Variants in CATSPERB observed in about 807,000 individuals in gnomAD.
CATSPERB encodes cation channel sperm-associated auxiliary subunit beta.
In CATSPERB, 93 loss-of-function variants were observed where a neutral mutation model predicts 128.3. That is an observed-to-expected ratio of 0.72 (90% CI 0.61 to 0.86). The LOEUF is 0.86. Ranked by LOEUF, CATSPERB falls within the 40% of genes least tolerant of loss-of-function variation. The pLI is 0.00. For missense variants in CATSPERB, 1,153 were observed against 1,329.5 expected (o/e 0.87, Z 2.06); for synonymous variants, 381 against 448.8 (o/e 0.85, Z 1.91).
rs148704603 is a variant in CATSPERB at position 91,658,273 on chromosome 14, T to G, written c.1432+1564A>C. On this transcript the variant is annotated intron_variant, in intron 15 of 26. Coordinates refer to ENST00000256343, the MANE Select transcript of CATSPERB (RefSeq NM_024764.4). ...GGAGGACATGATGTTAAGTGAAATA[T>G]GCCAGGGACAGAAGGACAGAGTTTG... 8.4e-3 allele frequency among the ~76,000 whole-genome samples: 1,272 copies of G among 152,218 alleles called. 14 individuals carry two copies. The highest frequency in any genetic ancestry group is 0.044 in the Middle Eastern group (13 of 294).
In CATSPERB at chr14:91,591,932, T is replaced by A; in HGVS notation, c.2780A>T (p.Lys927Met). Residue 927 changes from lysine to methionine, a missense_variant, in exon 23 of 27, where the codon AAG (lysine) becomes ATG (methionine). By Grantham distance (95) the Lys-to-Met change is moderately conservative. Transcript: ENST00000256343. ...REECNCTKDQKFSHAVAFSDC... is the reference protein window; with the variant it reads ...REECNCTKDQMFSHAVAFSDC... ...CGAGAAAGCAACAGCATGTGAAAAC[T>A]TCTGATCCTTTGTGCAGTTACACTC... 1 of 1,614,110 alleles carries A rather than the reference T, an allele frequency of 6.2e-7. No individual in the cohort carries two copies. Among genetic ancestry groups the A allele is most frequent in the South Asian group, 1.1e-5 (1 of 91,074 alleles).
chr14:91,725,925 A>G (rs1008171242), intron 2 of CATSPERB, among the ~76,000 whole-genome samples: 10 of 152,162 alleles, frequency 6.6e-5, no homozygotes, highest in African/African-American at 2.4e-4. Flanking sequence ...AGAGCAGACT[A>G]GTAGGTAAGC....
chr14:91,667,290 C>T lies in CATSPERB; in HGVS notation c.1287+2524G>A, dbSNP rs139836804. On this transcript the variant is annotated intron_variant, in intron 14 of 26. Transcript: ENST00000256343. The stretch of plus-strand genomic sequence containing the variant: ...CCAAGGAGGTGGCAGTCTTACACTG[C>T]GGAAGCCATCAAAAAGGGGAAGGAG... 9.0e-3 allele frequency among the ~76,000 whole-genome samples: 1,368 copies of T among 152,018 alleles called. 17 individuals carry two copies. The highest frequency in any genetic ancestry group is 0.045 in the Middle Eastern group (13 of 286).
intron 7 of CATSPERB, among the ~76,000 whole-genome samples, chr14:91,704,136 C>G (rs976984722): frequency 3.9e-5 from 6 of 151,958 alleles, no homozygotes; most frequent in African/African-American, 7.3e-5. Context: ...TAGAGAGAAA[C>G]AGTTGTTTCT....
intron 22 of CATSPERB, among the ~76,000 whole-genome samples, chr14:91,592,791 A>G (rs1893432194): frequency 6.6e-6 from 1 of 152,208 alleles, no homozygotes; most frequent in Non-Finnish European, 1.5e-5. Context: ...AGTAGCAAGG[A>G]GCCTACTGTT....
At chr14:91,658,079 A>G (rs1171254275) in intron 15 of CATSPERB, among the ~76,000 whole-genome samples, 2 of 152,132 alleles carry the variant, frequency 1.3e-5, no homozygotes, top group Non-Finnish European at 2.9e-5. Flanking sequence ...AGATATCTAC[A>G]CTCCCATGTT....
intron 26 of CATSPERB, among the ~76,000 whole-genome samples, chr14:91,585,207 G>A (rs1893276978): frequency 6.6e-6 from 1 of 151,788 alleles, no homozygotes; most frequent in African/African-American, 2.4e-5. Flanking sequence ...GTAGAGACAG[G>A]GCCTTGCCAT....
At chr14:91,603,226 T>G (rs955462153) in intron 22 of CATSPERB, 1 of 881,034 alleles carries the variant, frequency 1.1e-6, no homozygotes, top group Admixed American at 1.7e-5. Context: ...TAGGGCATTC[T>G]TTTCATTGTT....
chr14:91,595,038 T>C (rs1893479288), intron 22 of CATSPERB, among the ~76,000 whole-genome samples: 1 of 150,288 alleles, frequency 6.7e-6, no homozygotes, highest in South Asian at 2.1e-4. Flanking sequence ...GTCCAAACTA[T>C]AGAAAAACAC....
chr14:91,658,158 T>G (rs957960505), intron 15 of CATSPERB, among the ~76,000 whole-genome samples: 2 of 152,016 alleles, frequency 1.3e-5, no homozygotes, highest in African/African-American at 2.4e-5. Flanking sequence ...GATGAATGAA[T>G]AAAGAAAATA....
At chr14:91,711,897 G>C (rs1482233712) in intron 5 of CATSPERB, among the ~76,000 whole-genome samples, 1 of 152,096 alleles carries the variant, frequency 6.6e-6, no homozygotes, top group Non-Finnish European at 1.5e-5. Flanking sequence ...GAATAAGCTA[G>C]AAAAATCAAT....
intron 7 of CATSPERB, among the ~76,000 whole-genome samples, chr14:91,701,663 C>A (rs1895651941): frequency 6.6e-6 from 1 of 151,990 alleles, no homozygotes; most frequent in Non-Finnish European, 1.5e-5. Flanking sequence ...GGTAATAAGT[C>A]CAAATTGGAG....
At chr14:91,728,897 C>T (rs769984661) in intron 2 of CATSPERB, among the ~76,000 whole-genome samples, 1 of 152,206 alleles carries the variant, frequency 6.6e-6, no homozygotes, top group Non-Finnish European at 1.5e-5. Context: ...GTTATACAAC[C>T]ACAACAGTCC....
chr14:91,683,116 C>A (rs1021359621), intron 11 of CATSPERB, among the ~76,000 whole-genome samples: 3 of 152,190 alleles, frequency 2.0e-5, no homozygotes, highest in Non-Finnish European at 4.4e-5. Context: ...TTGTCCTCTT[C>A]GGCTGCTGTG....
intron 11 of CATSPERB, among the ~76,000 whole-genome samples, chr14:91,681,252 AT>A (rs1895275995): frequency 6.6e-6 from 1 of 152,198 alleles, no homozygotes; most frequent in Non-Finnish European, 1.5e-5. Context: ...GGGGCTATAT[AT>A]TCTATAGTTA....
rs919648507 is a variant in CATSPERB, at chr14:91,702,215, G to A, written c.616+2337C>T. Among the ~76,000 whole-genome samples the A allele has an allele frequency of 6.6e-5, 10 of 152,006 alleles. No homozygotes were observed. The East Asian group carries it at 1.6e-3, about 24-fold the overall frequency. The stretch of plus-strand genomic sequence containing the variant: ...AGGTAGGTATTGGTGTTTGGATAAA[G>A]ACGAGGAGGAGGAGGTCCTGGCTAG... On this transcript the variant is annotated intron_variant, in intron 7 of 26. Coordinates refer to ENST00000256343, the MANE Select transcript of CATSPERB (RefSeq NM_024764.4).
intron 10 of CATSPERB, among the ~76,000 whole-genome samples, chr14:91,685,642 G>C (rs1895360954): frequency 6.6e-6 from 1 of 152,202 alleles, no homozygotes; most frequent in Non-Finnish European, 1.5e-5. Flanking sequence ...GCATGCACAG[G>C]AGGAGCACCT....
At chr14:91,679,144 C>T (rs1305960342) in intron 11 of CATSPERB, among the ~76,000 whole-genome samples, 1 of 152,022 alleles carries the variant, frequency 6.6e-6, no homozygotes. Context: ...TGGGTCATTT[C>T]CAACTAAAAA....
intron 14 of CATSPERB, among the ~76,000 whole-genome samples, chr14:91,669,472 C>T (rs188189889): frequency 3.3e-5 from 5 of 152,178 alleles, no homozygotes; most frequent in African/African-American, 9.6e-5. Flanking sequence ...AAAAGGCAAA[C>T]ATTAAATGCT....
Sources: allele counts gnomAD v4.1 joint callset (sites outside exome capture counted in the v4.1 genomes callset), GRCh38; gene constraint gnomAD v4.1.1; transcripts MANE v1.5; gene names NCBI Gene and HGNC (gene_info 2026-07-23, HGNC 2026-07-21).